Variants in ANKRD42 observed in about 807,000 individuals in gnomAD.
ANKRD42 encodes the protein ankyrin repeat domain-containing protein 42.
ANKRD42 carries 43 observed loss-of-function variants against 51.5 expected under a neutral mutation model. The observed-to-expected ratio is 0.83, with a 90% CI of 0.65 to 1.08. The LOEUF is 1.08. Among genes scored for constraint, ANKRD42 ranks in the 50% least tolerant of loss-of-function variants. The pLI, the probability that ANKRD42 is intolerant of heterozygous loss-of-function variation, is 0.00. For missense variants in ANKRD42, 608 were observed against 629.3 expected (o/e 0.97, Z 0.36); for synonymous variants, 203 against 213.0 (o/e 0.95, Z 0.41).
intron 7 of ANKRD42, among the ~76,000 whole-genome samples, chr11:83,232,196 A>G (rs1410363483): frequency 6.6e-6 from 1 of 151,132 alleles, no homozygotes; most frequent in Non-Finnish European, 1.5e-5. Flanking sequence ...TAGTATGGAC[A>G]TTTTAACAAT....
chr11:83,217,847 C>T (rs1472649490), intron 5 of ANKRD42, among the ~76,000 whole-genome samples: 1 of 152,192 alleles, frequency 6.6e-6, no homozygotes, highest in Non-Finnish European at 1.5e-5. Flanking sequence ...CTTTTGGTTC[C>T]CTCTGAGCCA....
chr11:83,240,705 G>A (rs1863359072), intron 8 of ANKRD42, 54 bp from the exon 9 acceptor site: 2 of 1,591,764 alleles, frequency 1.3e-6, no homozygotes, highest in East Asian at 4.5e-5. Context: ...GCAAGCTGCA[G>A]TTTCAGTTTG....
At position 83,211,325 on chromosome 11, in the gene ANKRD42, A is replaced by C; in HGVS notation, c.481A>C (p.Arg161=). The C allele has an allele frequency of 6.2e-7, 1 of 1,614,208 alleles. No individual in the cohort carries two copies. Among genetic ancestry groups the C allele is most frequent in the Non-Finnish European group, 8.5e-7 (1 of 1,180,036 alleles). The change falls in exon 5 of 11, where the codon AGA becomes CGA. Residue 161 remains arginine, a synonymous_variant. Coordinates refer to ENST00000533342, the MANE Select transcript of ANKRD42 (RefSeq NM_001300975.2). Reference sequence around the variant, plus strand: ...CAGTGTGACTGATAAGAGAGAATGGAGACCTGTGCATTATGCAGCTTTTCA... The same window carrying C: ...CAGTGTGACTGATAAGAGAGAATGGCGACCTGTGCATTATGCAGCTTTTCA... The part of the protein sequence containing the change: ...DPSVTDKREW[R]PVHYAAFHGR...
At chr11:83,212,298 T>G (rs1590975578) in intron 5 of ANKRD42, among the ~76,000 whole-genome samples, 2 of 152,144 alleles carry the variant, frequency 1.3e-5, no homozygotes, top group Admixed American at 1.3e-4. Flanking sequence ...GCTAGGCTGG[T>G]CTCGAACTCC....
Position 83,242,567 on chromosome 11 carries a change from G to GTTTTTTTTTTGTTTGTTTTTTTTTTTTTT in ANKRD42, c.1195+1643_1195+1644insGTTTGTTTTTTTTTTTTTTTTTTTTTTTT, listed in dbSNP as rs770772334. Among the ~76,000 whole-genome samples the GTTTTTTTTTTGTTTGTTTTTTTTTTTTTT allele has an allele frequency of 1.0e-2, 1,150 of 115,474 alleles. 64 individuals are homozygous for GTTTTTTTTTTGTTTGTTTTTTTTTTTTTT. Among genetic ancestry groups the GTTTTTTTTTTGTTTGTTTTTTTTTTTTTT allele is most frequent in the Non-Finnish European group, 0.015 (830 of 56,370 alleles). The allele number at this position is 115,474 out of a possible 152,430, so 75.8% of individuals were successfully genotyped here. A position where few individuals can be genotyped will look rare whatever the true frequency, so the allele number is the denominator to read the frequency against. On this transcript the variant is annotated intron_variant, in intron 9 of 10. Transcript: ENST00000533342. ...GGGGAATTCGGTGAATGGTAGTTAA[G>GTTTTTTTTTTGTTTGTTTTTTTTTTTTTT]TTTTTTTTTTTTTTTTTTAGATGGA...
chr11:83,207,162 A>G (rs1862107843), intron 3 of ANKRD42, among the ~76,000 whole-genome samples: 1 of 152,214 alleles, frequency 6.6e-6, no homozygotes, highest in Non-Finnish European at 1.5e-5. Context: ...GCTTCTTATA[A>G]GACCATCAGA....
downstream of ANKRD42, among the ~76,000 whole-genome samples, chr11:83,256,810 T>G (rs1202428658): frequency 6.6e-6 from 1 of 151,842 alleles, no homozygotes; most frequent in Non-Finnish European, 1.5e-5. Context: ...CTGAAACCAG[T>G]TCAGCAGGTT....
Position 83,210,428 on chromosome 11 carries a change from C to G in ANKRD42, c.450+9C>G. ...TGCTCCGAAGTGGAGTGGTGAGTGA[C>G]TCCTGTTAATATGTGCTAATGTGTG... On this transcript the variant is annotated intron_variant, in intron 4 of 10. Transcript: ENST00000533342. The G allele has an allele frequency of 2.5e-6, 4 of 1,613,488 alleles. No homozygotes were observed. The highest frequency in any genetic ancestry group is 3.4e-6 in the Non-Finnish European group (4 of 1,179,608).
In ANKRD42 at chr11:83,194,534, A is replaced by C. The variant is rs1177607983; in HGVS notation, c.-137A>C. 3 of 805,238 alleles carry C rather than the reference A, an allele frequency of 3.7e-6. No homozygotes were observed. The African/African-American group carries it at 5.1e-5, about 14-fold the overall frequency. The allele number at this position is 805,238 out of a possible 1,614,324, so 49.9% of individuals were successfully genotyped here. A position where few individuals can be genotyped will look rare whatever the true frequency, so the allele number is the denominator to read the frequency against. On this transcript the variant is annotated 5_prime_UTR_variant, in exon 1 of 11. Coordinates refer to ENST00000533342, the MANE Select transcript of ANKRD42 (RefSeq NM_001300975.2). Reference sequence around the variant, plus strand: ...AGCTTCTGGGAGAGAGCAAGAGAGGACCTTGGGCCCCGTCCTAGTGACGAC... The same window carrying C: ...AGCTTCTGGGAGAGAGCAAGAGAGGCCCTTGGGCCCCGTCCTAGTGACGAC...
downstream of ANKRD42, among the ~76,000 whole-genome samples, chr11:83,258,946 G>A (rs1307175266): frequency 6.6e-6 from 1 of 152,148 alleles, no homozygotes; most frequent in Non-Finnish European, 1.5e-5. Flanking sequence ...TAAACATGGT[G>A]AAAGTAGCTA....
intron 6 of ANKRD42, among the ~76,000 whole-genome samples, chr11:83,225,564 C>CA (rs34199371): frequency 0.27 from 37,282 of 136,066 alleles, 4,898 homozygotes; most frequent in Middle Eastern, 0.42. Flanking sequence ...GACCCTGTCT[C>CA]AAAAAAAAAA....
chr11:83,260,550 TCA>T, downstream of ANKRD42: 1 of 152,338 alleles, frequency 6.6e-6, no homozygotes, highest in African/African-American at 2.4e-5. Context: ...AGCCTGACTC[TCA>T]CTCACTGGAC....
Position 83,206,075 on chromosome 11 carries a change from C to G in ANKRD42, c.240C>G (p.Leu80=), listed in dbSNP as rs987100329. 2 of 1,613,412 alleles carry G rather than the reference C, an allele frequency of 1.2e-6. No individual in the cohort carries two copies. Among genetic ancestry groups the G allele is most frequent in the African/African-American group, 2.7e-5 (2 of 74,904 alleles). Residue 80 remains leucine, a synonymous_variant, in exon 3 of 11, where the codon CTC becomes CTG. Transcript: ENST00000533342. ...SGSLECLHWL[L]WHGADITHVT... is the part of the protein sequence containing the mutation. ...TTTCTTAGTGTCTTCATTGGCTGCT[C>G]TGGCATGGAGCTGATATCACACACG...
intron 7 of ANKRD42, among the ~76,000 whole-genome samples, chr11:83,231,213 C>G (rs1356875355): frequency 2.0e-5 from 3 of 152,176 alleles, no homozygotes; most frequent in Non-Finnish European, 4.4e-5. Context: ...ACATCCTCAC[C>G]AGCATTCGTT....
rs139566242 is a variant in ANKRD42 at position 83,204,503 on chromosome 11, G to C, written c.223-1555G>C. ...AAAAGTAGATAGGGAAGGAGGCAAGGGTTGAAAAACTACCTGTTTGGTAAC... is the reference window on the plus strand; with the variant it reads ...AAAAGTAGATAGGGAAGGAGGCAAGCGTTGAAAAACTACCTGTTTGGTAAC... On this transcript the variant is annotated intron_variant, in intron 2 of 10. Coordinates refer to ENST00000533342, the MANE Select transcript of ANKRD42 (RefSeq NM_001300975.2). Among the ~76,000 whole-genome samples, 527 of 152,216 alleles carry C rather than the reference G, an allele frequency of 3.5e-3. 2 individuals are homozygous for C. Among genetic ancestry groups the C allele is most frequent in the Non-Finnish European group, 6.4e-3 (437 of 67,996 alleles).
downstream of ANKRD42, chr11:83,260,980 T>A (rs1162602162): frequency 6.6e-6 from 1 of 152,226 alleles, no homozygotes; most frequent in African/African-American, 2.4e-5. Context: ...GAAGCAGGGA[T>A]AAACTGGTTT....
chr11:83,203,715 G>A lies in ANKRD42; in HGVS notation c.223-2343G>A, dbSNP rs762194461. ...CCCTAAATCTTTACTTGAGCACTAC[G>A]TTAACACCTTTACAGTTTTTTAACC... On this transcript the variant is annotated intron_variant, in intron 2 of 10. Coordinates refer to ENST00000533342, the MANE Select transcript of ANKRD42 (RefSeq NM_001300975.2). 9.9e-5 allele frequency among the ~76,000 whole-genome samples: 15 copies of A among 152,070 alleles called. No homozygotes were observed. In the East Asian group the frequency reaches 1.2e-3, roughly 12 times the overall value.
chr11:83,235,615 C>A (rs941648200), intron 7 of ANKRD42, among the ~76,000 whole-genome samples: 15 of 152,196 alleles, frequency 9.9e-5, no homozygotes, highest in Non-Finnish European at 1.8e-4. Flanking sequence ...AAGATTATAG[C>A]CCTGTCCTCA....
At position 83,240,786 on chromosome 11, in the gene ANKRD42, G is replaced by C; in HGVS notation, c.1047G>C (p.Leu349=). Residue 349 remains leucine, a synonymous_variant, in exon 9 of 11, where the codon CTG becomes CTC. Transcript: ENST00000533342. ...TTGCCCATTTGGCAGCAGTGAAGCT[G>C]TTAGAGGAGCTACAGAAATATGATA... The part of the protein sequence containing the change: ...KRFAHLAAVK[L]LEELQKYDID... The C allele has an allele frequency of 6.2e-7, 1 of 1,614,062 alleles. No homozygotes were observed. Among genetic ancestry groups the C allele is most frequent in the Non-Finnish European group, 8.5e-7 (1 of 1,179,966 alleles).
Sources: gnomAD v4.1 joint callset for allele counts (sites outside exome capture counted in the v4.1 genomes callset) on GRCh38, gnomAD v4.1.1 for gene constraint, MANE v1.5 for transcripts, NCBI Gene and HGNC (gene_info 2026-07-23, HGNC 2026-07-21) for gene names.